OPHN1: variants seen among roughly 807,000 people sequenced by gnomAD.
OPHN1 encodes the protein oligophrenin 1, also known as oligophrenin-1.
OPHN1 carries 11 observed loss-of-function variants against 60.7 expected under a neutral mutation model. The ratio of observed to expected loss-of-function variants is 0.18; its 90% CI spans 0.11 to 0.30. The LOEUF is 0.30. Among genes scored for constraint, OPHN1 ranks in the 10% least tolerant of loss-of-function variants. OPHN1 has a pLI of 1.00. For missense variants in OPHN1, 449 were observed against 611.0 expected (o/e 0.73, Z 2.80); for synonymous variants, 226 against 222.6 (o/e 1.02, Z -0.14).
chrX:68,212,204 G>C lies in OPHN1; in HGVS notation c.606C>G (p.Ala202=). The change falls in exon 8 of 25, where the codon GCC becomes GCG. Residue 202 remains alanine (A), a synonymous_variant. Coordinates refer to ENST00000355520, the MANE Select transcript of OPHN1 (RefSeq NM_002547.3). ...KKFNIVEPVL[A]FLHSLFISNS... Reference sequence around the variant, plus strand: ...TAGAAATGAACAGACTATGAAGAAAGGCCAAGACCTAGGGAAAACATGTAA... The same window carrying C: ...TAGAAATGAACAGACTATGAAGAAACGCCAAGACCTAGGGAAAACATGTAA... 1.7e-6 allele frequency: 2 copies of C among 1,174,694 alleles called. No homozygotes were observed. Among genetic ancestry groups the C allele is most frequent in the Non-Finnish European group, 2.3e-6 (2 of 863,404 alleles).
At chrX:68,051,690 T>C (rs769875324) in intron 23 of OPHN1, among the ~76,000 whole-genome samples, 1 of 109,698 alleles carries the variant, frequency 9.1e-6, no homozygotes, top group Non-Finnish European at 1.9e-5. Context: ...AACAAAAAAG[T>C]AAACTAAAAA....
At chrX:68,229,688 G>T (rs1157450456) in intron 6 of OPHN1, among the ~76,000 whole-genome samples, 10 of 112,179 alleles carry the variant, frequency 8.9e-5, no homozygotes, top group Non-Finnish European at 1.9e-4. Context: ...AATAAATGGT[G>T]CTGGGAAAAC....
chrX:68,308,452 C>T (rs1217998505), intron 2 of OPHN1, among the ~76,000 whole-genome samples: 2 of 108,532 alleles, frequency 1.8e-5, no homozygotes, highest in African/African-American at 6.7e-5. Flanking sequence ...ATCAGGCAGG[C>T]GTGGTGGTGT....
chrX:68,386,593 C>T (rs1286664028), intron 2 of OPHN1, among the ~76,000 whole-genome samples: 1 of 111,876 alleles, frequency 8.9e-6, no homozygotes, highest in Non-Finnish European at 1.9e-5. Flanking sequence ...TTGCCAGTGG[C>T]CTCACTGGGC....
intron 11 of OPHN1, 151 bp downstream of exon 11, chrX:68,201,468 C>T: frequency 2.0e-6 from 1 of 495,597 alleles, no homozygotes; most frequent in South Asian, 2.9e-5. Flanking sequence ...GAAGGGCAGC[C>T]AGAAGAGCTG....
chrX:68,171,972 T>C (rs1487828391), intron 15 of OPHN1, among the ~76,000 whole-genome samples: 1 of 110,960 alleles, frequency 9.0e-6, no homozygotes, highest in East Asian at 2.8e-4. Context: ...TAATGAACGT[T>C]GGTGAGGATG....
In OPHN1 at chrX:68,086,844, T is replaced by C. The variant is rs772412833; in HGVS notation, c.1686+10026A>G. 5.4e-5 allele frequency among the ~76,000 whole-genome samples: 6 copies of C among 111,345 alleles called. No homozygotes were observed. The South Asian group carries it at 2.3e-3, about 43-fold the overall frequency. Reference sequence around the variant, plus strand: ...TAGATCAACTCACTGGGGAGAAGACTAGAAAGAGGATGTGAGGCCAAAGGC... The same window carrying C: ...TAGATCAACTCACTGGGGAGAAGACCAGAAAGAGGATGTGAGGCCAAAGGC... On this transcript the variant is annotated intron_variant, in intron 19 of 24. Coordinates refer to ENST00000355520, the MANE Select transcript of OPHN1 (RefSeq NM_002547.3).
chrX:68,200,889 G>T (rs2077532628), intron 11 of OPHN1, among the ~76,000 whole-genome samples: 1 of 111,855 alleles, frequency 8.9e-6, no homozygotes, highest in African/African-American at 3.3e-5. Context: ...TCTAGAAACA[G>T]ATTTATTCTG....
chrX:68,343,903 A>T (rs2078366860), intron 2 of OPHN1, among the ~76,000 whole-genome samples: 1 of 111,646 alleles, frequency 9.0e-6, no homozygotes, highest in African/African-American at 3.2e-5. Flanking sequence ...GCAACTACTG[A>T]TCTCTCTCAC....
chrX:68,073,294 A>C lies in OPHN1; in HGVS notation c.1692T>G (p.Tyr564Ter), dbSNP rs1170838041. The C allele has an allele frequency of 8.3e-7, 1 of 1,200,877 alleles. No individual in the cohort carries two copies. Among genetic ancestry groups the C allele is most frequent in the African/African-American group, 1.8e-5 (1 of 57,064 alleles). ...EILIEHFGKIYLGPPEESAAP... is the reference protein window; with the variant it reads ...EILIEHFGKI ...CAGCGCTTTCCTCAGGTGGACCTAA[A>C]TAGATCTGTGGAGAAAGAAGGAAGA... is the stretch of plus-strand genomic sequence containing the variant. The change falls in exon 20 of 25, where the codon TAT (tyrosine) becomes TAG (stop). Residue 564 changes from tyrosine to a stop codon, truncating the protein, a stop_gained. Coordinates refer to ENST00000355520, the MANE Select transcript of OPHN1 (RefSeq NM_002547.3). LOFTEE classifies it high-confidence loss of function.
At chrX:68,299,244 A>G in intron 2 of OPHN1, 148 bp from the exon 3 acceptor site, 2 of 374,154 alleles carry the variant, frequency 5.3e-6, no homozygotes, top group South Asian at 6.0e-5. Flanking sequence ...ACAAAAGATT[A>G]GATATGCAGT....
At chrX:68,171,464 G>A (rs1021337200) in intron 15 of OPHN1, among the ~76,000 whole-genome samples, 2 of 111,684 alleles carry the variant, frequency 1.8e-5, no homozygotes, top group Admixed American at 1.9e-4. Flanking sequence ...GGCTGGGCCC[G>A]GTGGCTAACG....
chrX:68,263,779 C>A (rs183091183), intron 5 of OPHN1, among the ~76,000 whole-genome samples: 1 of 111,092 alleles, frequency 9.0e-6, no homozygotes, highest in Non-Finnish European at 1.9e-5. Flanking sequence ...ATAATGCAAG[C>A]CACACGTAAT....
chrX:68,314,916 G>T (rs1171963488), intron 2 of OPHN1, among the ~76,000 whole-genome samples: 3 of 107,938 alleles, frequency 2.8e-5, no homozygotes, highest in Non-Finnish European at 5.7e-5. Flanking sequence ...AACCCAGGAG[G>T]TGGAGGTTGC....
intron 2 of OPHN1, among the ~76,000 whole-genome samples, chrX:68,307,482 T>C (rs1450292751): frequency 8.3e-5 from 9 of 107,971 alleles, no homozygotes; most frequent in Admixed American, 3.0e-4. Context: ...AAGGAATTTA[T>C]AGCGAATGGA....
intron 5 of OPHN1, among the ~76,000 whole-genome samples, chrX:68,259,899 G>A (rs1602277178): frequency 1.8e-5 from 2 of 111,992 alleles, no homozygotes; most frequent in Admixed American, 1.9e-4. Flanking sequence ...ATAATCAGGA[G>A]GATAAACCCA....
intron 2 of OPHN1, among the ~76,000 whole-genome samples, chrX:68,330,443 C>A (rs2078289018): frequency 9.0e-6 from 1 of 111,491 alleles, no homozygotes. Context: ...TCTAAGTTAG[C>A]AAGAGATTTA....
At chrX:68,132,829 C>T (rs182019678) in intron 15 of OPHN1, 120 of 238,172 alleles carry the variant, frequency 5.0e-4, no homozygotes, top group African/African-American at 3.2e-3. Context: ...GCCGCACTTA[C>T]CCGAGTCCGC....
chrX:68,208,293 G>C (rs1383053284), intron 9 of OPHN1, among the ~76,000 whole-genome samples: 1 of 110,327 alleles, frequency 9.1e-6, no homozygotes, highest in African/African-American at 3.3e-5. Context: ...GTTTCACCAT[G>C]TTGGCCAGGC....
Sources: allele counts gnomAD v4.1 joint callset (sites outside exome capture counted in the v4.1 genomes callset), GRCh38; gene constraint gnomAD v4.1.1; transcripts MANE v1.5; gene names NCBI Gene and HGNC (gene_info 2026-07-23, HGNC 2026-07-21).